PEX10: variants seen among roughly 807,000 people sequenced by gnomAD.
PEX10 encodes peroxisomal biogenesis factor 10.
In PEX10, 32 loss-of-function variants were observed where a neutral mutation model predicts 38.0. The observed-to-expected ratio is 0.84, with a 90% confidence interval of 0.63 to 1.13. PEX10 has a LOEUF of 1.13. Among genes scored for constraint, PEX10 ranks in the 50% most tolerant of loss-of-function variants. The pLI is 0.00. For missense variants in PEX10, 483 were observed against 457.7 expected, an observed-to-expected ratio of 1.06 and a Z score of -0.51; for synonymous variants, 206 against 207.3, an observed-to-expected ratio of 0.99 and a Z score of 0.05.
intron 5 of PEX10, 72 bp downstream of exon 5, chr1:2,406,412 C>T: frequency 6.3e-7 from 1 of 1,591,454 alleles, no homozygotes; most frequent in South Asian, 1.1e-5. Flanking sequence ...CTCCCCACTT[C>T]TGCTGCAGCC....
Position 2,406,897 on chromosome 1 carries a change from T to C in PEX10, c.601-2A>G. 1 of 1,608,214 alleles carries C rather than the reference T, an allele frequency of 6.2e-7. No individual in the cohort carries two copies. The highest frequency in any genetic ancestry group is 8.5e-7 in the Non-Finnish European group (1 of 1,177,708). ...TCCGGGCAGGCTGCGGACACGGAGC[T>C]GTAAGGCAGATGGCGCCACACTCAT... On this transcript the variant is annotated splice_acceptor_variant, in intron 3 of 5. Transcript: ENST00000447513. LOFTEE classifies it high-confidence loss of function.
intron 1 of PEX10, among the ~76,000 whole-genome samples, chr1:2,411,937 T>C (rs1250487219): frequency 2.0e-5 from 3 of 152,204 alleles, no homozygotes; most frequent in Non-Finnish European, 4.4e-5. Flanking sequence ...TGCTCAGGCC[T>C]AGGAAAGGCC....
upstream of PEX10, chr1:2,412,649 G>GCGGGGC: frequency 1.8e-6 from 1 of 564,784 alleles, no homozygotes; most frequent in Non-Finnish European, 2.6e-6. Context: ...GGGGCTGGAG[G>GCGGGGC]CGGGGCCAGG....
chr1:2,412,517 G>A lies in PEX10; in HGVS notation c.-15C>T. On this transcript the variant is annotated 5_prime_UTR_variant, in exon 1 of 6. Coordinates refer to ENST00000447513, the MANE Select transcript of PEX10 (RefSeq NM_002617.4). ...GCCGGGGCCATGGCCGCGGGTTCGG[G>A]TGGTCCCGAGCAGCCACGCCGGCCA... The A allele has an allele frequency of 7.4e-7, 1 of 1,342,316 alleles. No individual in the cohort carries two copies. Among genetic ancestry groups the A allele is most frequent in the African/African-American group, 1.5e-5 (1 of 65,088 alleles). The allele number at this position is 1,342,316 out of a possible 1,614,324, so 83.2% of individuals were successfully genotyped here.
Position 2,410,637 on chromosome 1 carries a change from T to C in PEX10, c.113-186A>G, listed in dbSNP as rs1163286150. The stretch of plus-strand genomic sequence containing the variant: ...GGCACCACCTTGACTTGCCTTAGCG[T>C]GAGCTGCAGACAGTCTGCGAAGAAT... On this transcript the variant is annotated intron_variant, in intron 1 of 5. Transcript: ENST00000447513. This position sits in a 1 kb window ranked among gnomAD's most constrained non-coding sequence, Gnocchi z 5.1. 2 of 652,762 alleles carry C rather than the reference T, an allele frequency of 3.1e-6. No homozygotes were observed. Among genetic ancestry groups the C allele is most frequent in the Non-Finnish European group, 5.6e-6 (2 of 355,168 alleles). The allele number at this position is 652,762 out of a possible 1,614,324, so 40.4% of individuals were successfully genotyped here. A position where few individuals can be genotyped will look rare whatever the true frequency, so the allele number is the denominator to read the frequency against.
chr1:2,411,736 C>G (rs1311994591), intron 1 of PEX10, among the ~76,000 whole-genome samples: 1 of 152,138 alleles, frequency 6.6e-6, no homozygotes, highest in Admixed American at 6.5e-5. Context: ...CGGGGTCTTG[C>G]CATGTTGCCC....
chr1:2,412,300 C>A, intron 1 of PEX10, 91 bp downstream of exon 1: 1 of 1,265,246 alleles, frequency 7.9e-7, no homozygotes, highest in South Asian at 2.5e-5. Flanking sequence ...GCCCAGGCGA[C>A]CGTGACCACA....
At position 2,410,721 on chromosome 1, in the gene PEX10, A is replaced by G. The variant is rs139119874; in HGVS notation, c.113-270T>C. 3,364 of 557,636 alleles carry G rather than the reference A, an allele frequency of 6.0e-3. 28 individuals carry two copies. Among genetic ancestry groups the G allele is most frequent in the Non-Finnish European group, 8.7e-3 (2,540 of 293,084 alleles). The allele number at this position is 557,636 out of a possible 1,614,324, so 34.5% of individuals were successfully genotyped here. On this transcript the variant is annotated intron_variant, in intron 1 of 5. Coordinates refer to ENST00000447513, the MANE Select transcript of PEX10 (RefSeq NM_002617.4). The surrounding 1 kb of genome is among the most constrained non-coding windows in gnomAD (Gnocchi z 5.1). ...CCCCTGAGCAACTGTTCTAGGGCCT[A>G]TGAGGGCCACATGGAAAGATGGTCT...
In PEX10 at chr1:2,408,600, G is replaced by A. The variant is rs375171673; in HGVS notation, c.452C>T (p.Thr151Ile). 9 of 1,611,468 alleles carry A rather than the reference G, an allele frequency of 5.6e-6. No individual in the cohort carries two copies. The African/African-American group carries it at 1.1e-4, about 19-fold the overall frequency. The change falls in exon 3 of 6, where the codon ACC becomes ATC. Residue 151 changes from threonine (T) to isoleucine (I), a missense_variant. Physicochemically the swap from Thr to Ile is moderately conservative, Grantham distance 89. Coordinates refer to ENST00000447513, the MANE Select transcript of PEX10 (RefSeq NM_002617.4). ...ARRWMRHHTATLTEQQRRALL... is the reference protein window; with the variant it reads ...ARRWMRHHTAILTEQQRRALL... ...CGCCCTCCTCTGCTGCTCAGTCAGG[G>A]TGGCCGTGTGGTGACGCATCCAGCG... is the stretch of plus-strand genomic sequence containing the variant.
chr1:2,408,907 G>T, intron 2 of PEX10, 49 bp from the exon 3 acceptor site: 1 of 1,592,032 alleles, frequency 6.3e-7, no homozygotes, highest in East Asian at 2.2e-5. Flanking sequence ...CTGCCGCGGG[G>T]ACAGGCTCCC....
In PEX10 at chr1:2,412,496, G is replaced by T. The variant is rs1643278684; in HGVS notation, c.7C>A (p.Pro3Thr). MA[P>T]AAASPPEVIR... The stretch of plus-strand genomic sequence containing the variant: ...ACCTCCGGGGGGCTGGCGGCGGCCG[G>T]GGCCATGGCCGCGGGTTCGGGTGGT... Residue 3 changes from proline to threonine, a missense_variant, in exon 1 of 6, where the codon CCG (proline) becomes ACG (threonine). Transcript: ENST00000447513. The T allele has an allele frequency of 2.2e-6, 3 of 1,367,480 alleles. No individual in the cohort carries two copies. Among genetic ancestry groups the T allele is most frequent in the Admixed American group, 3.4e-5 (1 of 29,498 alleles). 84.7% of individuals were successfully genotyped at this position (1,367,480 alleles called of 1,614,324 possible). A position where few individuals can be genotyped will look rare whatever the true frequency, so the allele number is the denominator to read the frequency against.
chr1:2,408,752 G>A lies in PEX10; in HGVS notation c.300C>T (p.Ala100=), dbSNP rs759667036. The part of the protein sequence containing the change: ...LRRGVLVTLH[A]VLPYLLDKAL... ...CCTTGTCCAGCAGGTAGGGCAGGAC[G>A]GCATGCAGTGTCACCAGCACGCCAC... Residue 100 remains alanine (A), a synonymous_variant, in exon 3 of 6, where the codon GCC becomes GCT. Coordinates refer to ENST00000447513, the MANE Select transcript of PEX10 (RefSeq NM_002617.4). 4.3e-6 allele frequency: 7 copies of A among 1,613,810 alleles called. No homozygotes were observed. The highest frequency in any genetic ancestry group is 3.3e-5 in the Admixed American group (2 of 59,996).
In PEX10 at chr1:2,406,718, A is replaced by G. The variant is rs1335685844; in HGVS notation, c.776+2T>C. On this transcript the variant is annotated splice_donor_variant, in intron 4 of 5. Coordinates refer to ENST00000447513, the MANE Select transcript of PEX10 (RefSeq NM_002617.4). LOFTEE classifies it high-confidence loss of function. Reference sequence around the variant, plus strand: ...GCCCCCATGTGTGGCCCCCGCACGCACCTGCGGTGAGACAGGCCGCGGTGC... The same window carrying G: ...GCCCCCATGTGTGGCCCCCGCACGCGCCTGCGGTGAGACAGGCCGCGGTGC... 3 of 1,608,648 alleles carry G rather than the reference A, an allele frequency of 1.9e-6. No homozygotes were observed. Among genetic ancestry groups the G allele is most frequent in the Non-Finnish European group, 2.5e-6 (3 of 1,178,262 alleles).
Position 2,410,556 on chromosome 1 carries a change from C to T in PEX10, c.113-105G>A. 1.0e-6 allele frequency: 1 copy of T among 968,234 alleles called. No individual in the cohort carries two copies. Among genetic ancestry groups the T allele is most frequent in the Non-Finnish European group, 1.6e-6 (1 of 623,488 alleles). The allele number at this position is 968,234 out of a possible 1,614,324, so 60.0% of individuals were successfully genotyped here. A position where few individuals can be genotyped will look rare whatever the true frequency, so the allele number is the denominator to read the frequency against. ...GTCTAGGCCCAGATCCAGTCCCACC[C>T]CTTCCATGAAGCCAACACTCACTCC... is the stretch of plus-strand genomic sequence containing the variant. On this transcript the variant is annotated intron_variant, in intron 1 of 5. Coordinates refer to ENST00000447513, the MANE Select transcript of PEX10 (RefSeq NM_002617.4). The surrounding 1 kb of genome is among the most constrained non-coding windows in gnomAD (Gnocchi z 5.1).
chr1:2,405,454 A>T lies in PEX10; in HGVS notation c.*312T>A. ...CTGGCCTACTTCTGAATTACTTCTC[A>T]ACTGTATGGTTTGGGGAAGGGAGGG... On this transcript the variant is annotated 3_prime_UTR_variant, in exon 6 of 6. Coordinates refer to ENST00000447513, the MANE Select transcript of PEX10 (RefSeq NM_002617.4). 1 of 513,468 alleles carries T rather than the reference A, an allele frequency of 1.9e-6. No homozygotes were observed. The highest frequency in any genetic ancestry group is 3.6e-6 in the Non-Finnish European group (1 of 280,710). The allele number at this position is 513,468 out of a possible 1,614,324, so 31.8% of individuals were successfully genotyped here. A position where few individuals can be genotyped will look rare whatever the true frequency, so the allele number is the denominator to read the frequency against.
intron 1 of PEX10, among the ~76,000 whole-genome samples, chr1:2,411,529 G>A (rs981152462): frequency 3.3e-5 from 5 of 149,592 alleles, no homozygotes; most frequent in African/African-American, 1.2e-4. Context: ...CACCACACCC[G>A]GCATCTTTTT....
In PEX10 at chr1:2,408,714, A is replaced by T. The variant is rs757778155; in HGVS notation, c.338T>A (p.Leu113Gln). 2 of 1,613,634 alleles carry T rather than the reference A, an allele frequency of 1.2e-6. No individual in the cohort carries two copies. The highest frequency in any genetic ancestry group is 3.3e-5 in the Admixed American group (2 of 59,996). Reference protein sequence around the residue: ...PYLLDKALLPLEQELQADPDS... With the variant: ...PYLLDKALLPQEQELQADPDS... The stretch of plus-strand genomic sequence containing the variant: ...GGGGTCAGCCTGCAGCTCCTGCTCC[A>T]GGGGGAGCAGGGCCTTGTCCAGCAG... Residue 113 changes from leucine (L) to glutamine (Q), a missense_variant, in exon 3 of 6, where the codon CTG becomes CAG. Leu to Gln is a moderately radical substitution (Grantham distance 113, BLOSUM62 -2). Coordinates refer to ENST00000447513, the MANE Select transcript of PEX10 (RefSeq NM_002617.4).
Position 2,410,679 on chromosome 1 carries a change from T to C in PEX10, c.113-228A>G, listed in dbSNP as rs117732581. ...GCGAAGAATCTCCCACCTGTGCTCA[T>C]CTCTTGCTCCGGGATTCCCCTGAGC... On this transcript the variant is annotated intron_variant, in intron 1 of 5. Coordinates refer to ENST00000447513, the MANE Select transcript of PEX10 (RefSeq NM_002617.4). This position sits in a 1 kb window ranked among gnomAD's most constrained non-coding sequence, Gnocchi z 5.1. 327 of 606,004 alleles carry C rather than the reference T, an allele frequency of 5.4e-4. 6 individuals are homozygous for C. In the East Asian group the frequency reaches 6.4e-3, roughly 12 times the overall value. 37.5% of individuals were successfully genotyped at this position (606,004 alleles called of 1,614,324 possible).
chr1:2,408,236 G>C lies in PEX10; in HGVS notation c.600+216C>G, dbSNP rs1034612035. Among the ~76,000 whole-genome samples, 3 of 152,284 alleles carry C rather than the reference G, an allele frequency of 2.0e-5. No individual in the cohort carries two copies. In the East Asian group the frequency reaches 5.8e-4, roughly 29 times the overall value. On this transcript the variant is annotated intron_variant, in intron 3 of 5. Coordinates refer to ENST00000447513, the MANE Select transcript of PEX10 (RefSeq NM_002617.4). ...GCAGCAGGAGTTCATTCTACACTTA[G>C]GGTCTGGACTTCCTTGGATCTTTCA...
Sources: gnomAD v4.1 joint callset for allele counts (sites outside exome capture counted in the v4.1 genomes callset) on GRCh38, gnomAD v4.1.1 for gene constraint, Gnocchi (gnomAD v3.1) non-coding constraint, MANE v1.5 for transcripts, NCBI Gene and HGNC (gene_info 2026-07-23, HGNC 2026-07-21) for gene names.